ADAMTSL1: variants seen among roughly 807,000 people sequenced by gnomAD.
The protein encoded by ADAMTSL1 is ADAMTS-like protein 1.
ADAMTSL1 carries 126 observed loss-of-function variants against 201.8 expected under a neutral mutation model. The observed-to-expected ratio is 0.62, with a 90% CI of 0.54 to 0.72. The LOEUF (loss-of-function observed/expected upper bound fraction) is 0.72. Ranked by LOEUF, ADAMTSL1 falls within the 30% of genes least tolerant of loss-of-function variation. The pLI is 0.00. For synonymous variants in ADAMTSL1, 1,121 were observed against 903.4 expected (o/e 1.24, Z -4.32); for missense variants, 2,679 against 2,277.8 (o/e 1.18, Z -3.59).
intron 14 of ADAMTSL1, among the ~76,000 whole-genome samples, chr9:18,717,313 T>A (rs932155843): frequency 2.0e-5 from 3 of 151,150 alleles, no homozygotes; most frequent in East Asian, 3.9e-4. Context: ...ATTTGAAAAG[T>A]CTGCCCATTT....
At chr9:18,721,746 C>G (rs2133426691) in intron 15 of ADAMTSL1, 81 bp downstream of exon 15, 5 of 1,515,486 alleles carry the variant, frequency 3.3e-6, no homozygotes, top group Middle Eastern at 3.5e-4. Flanking sequence ...GACTGTAACA[C>G]TTATTTGTTA....
chr9:18,238,279 A>G (rs957594016), intron 2 of ADAMTSL1, among the ~76,000 whole-genome samples: 21 of 152,244 alleles, frequency 1.4e-4, no homozygotes, highest in Non-Finnish European at 1.5e-5. Context: ...AAGAAAAAGA[A>G]TTAAAATTCT....
chr9:18,127,481 A>AC lies in ADAMTSL1; in HGVS notation c.88-36381_88-36380insC, dbSNP rs1470100161. Among the ~76,000 whole-genome samples the AC allele has an allele frequency of 2.7e-5, 4 of 146,140 alleles. No homozygotes were observed. The South Asian group carries it at 6.6e-4, about 24-fold the overall frequency. On this transcript the variant is annotated intron_variant, in intron 1 of 29. Transcript: ENST00000680146. ...GTGGTGCATGCATAGGCACATACAC[A>AC]ACACACACACACACACACACACACA...
At chr9:18,173,365 G>C (rs148801370) in intron 2 of ADAMTSL1, among the ~76,000 whole-genome samples, 1 of 152,056 alleles carries the variant, frequency 6.6e-6, no homozygotes, top group Admixed American at 6.6e-5. Context: ...CAACATCATG[G>C]GGCCTCCTAT....
At chr9:18,154,276 T>C (rs571892378) in intron 1 of ADAMTSL1, among the ~76,000 whole-genome samples, 1 of 152,196 alleles carries the variant, frequency 6.6e-6, no homozygotes, top group East Asian at 1.9e-4. Context: ...GTATTATCAT[T>C]ATGTCCCATA....
chr9:18,590,761 G>A (rs943689565), intron 4 of ADAMTSL1, among the ~76,000 whole-genome samples: 2 of 151,822 alleles, frequency 1.3e-5, no homozygotes, highest in Non-Finnish European at 2.9e-5. Flanking sequence ...CCTTCTTTAT[G>A]TATTGACTCA....
intron 2 of ADAMTSL1, among the ~76,000 whole-genome samples, chr9:18,324,059 T>C (rs1834729660): frequency 6.6e-6 from 1 of 152,216 alleles, no homozygotes; most frequent in Non-Finnish European, 1.5e-5. Context: ...ATAGGATTTA[T>C]ACTACCTGAT....
Position 18,038,123 on chromosome 9 carries a change from C to T in ADAMTSL1, c.88-125739C>T, listed in dbSNP as rs548512993. Reference sequence around the variant, plus strand: ...CTGACCTGGCTTCCCGCCATTATGGCCACCAATTATGTGTGTCTTTCACTG... The same window carrying T: ...CTGACCTGGCTTCCCGCCATTATGGTCACCAATTATGTGTGTCTTTCACTG... On this transcript the variant is annotated intron_variant, in intron 1 of 29. Transcript: ENST00000680146. Among the ~76,000 whole-genome samples the T allele has an allele frequency of 2.6e-5, 4 of 152,330 alleles. No homozygotes were observed. In the South Asian group the frequency reaches 8.3e-4, roughly 32 times the overall value.
intron 4 of ADAMTSL1, among the ~76,000 whole-genome samples, chr9:18,597,542 A>G (rs947929536): frequency 2.0e-5 from 3 of 152,210 alleles, no homozygotes; most frequent in Admixed American, 6.5e-5. Context: ...TTGTTTATTT[A>G]AGTCAAATTA....
chr9:17,914,345 T>A (rs899286400), intron 1 of ADAMTSL1, among the ~76,000 whole-genome samples: 1 of 152,204 alleles, frequency 6.6e-6, no homozygotes. Context: ...GTTTCATCCC[T>A]GGGATGCAAG....
At chr9:18,667,358 G>A (rs553113781) in intron 9 of ADAMTSL1, among the ~76,000 whole-genome samples, 1 of 152,058 alleles carries the variant, frequency 6.6e-6, no homozygotes, top group South Asian at 2.1e-4. Flanking sequence ...ATGTGTAGTA[G>A]GCATGTAAAA....
At chr9:18,141,210 A>G (rs1424338785) in intron 1 of ADAMTSL1, among the ~76,000 whole-genome samples, 2 of 152,074 alleles carry the variant, frequency 1.3e-5, no homozygotes, top group Non-Finnish European at 1.5e-5. Context: ...CCCCCACCCC[A>G]TGCTCAATAG....
chr9:18,174,426 G>A (rs769865529), intron 2 of ADAMTSL1, among the ~76,000 whole-genome samples: 5 of 152,178 alleles, frequency 3.3e-5, no homozygotes, highest in Non-Finnish European at 7.3e-5. Context: ...ACAGAGGGGT[G>A]CTGAGTAGAA....
intron 13 of ADAMTSL1, among the ~76,000 whole-genome samples, chr9:18,688,398 G>A (rs1830975047): frequency 6.6e-6 from 1 of 151,224 alleles, no homozygotes; most frequent in African/African-American, 2.4e-5. Flanking sequence ...AAAGTGCTGG[G>A]ATTACAGGCA....
In ADAMTSL1 at chr9:18,681,661, G is replaced by A. The variant is rs1231408656; in HGVS notation, c.1342-151G>A. 1.1e-5 allele frequency: 6 copies of A among 555,462 alleles called. No homozygotes were observed. In the South Asian group the frequency reaches 1.7e-4, roughly 15 times the overall value. 34.4% of individuals were successfully genotyped at this position (555,462 alleles called of 1,614,324 possible). A position where few individuals can be genotyped will look rare whatever the true frequency, so the allele number is the denominator to read the frequency against. ...AAATAGAACAAAGATCCCTTGACTG[G>A]TAAGAAGTGGTATAAATTTACCAGG... On this transcript the variant is annotated intron_variant, in intron 11 of 28. Coordinates refer to ENST00000380548, the MANE Select transcript of ADAMTSL1 (RefSeq NM_001040272.6).
At chr9:18,201,545 C>T (rs1829446881) in intron 2 of ADAMTSL1, among the ~76,000 whole-genome samples, 1 of 152,004 alleles carries the variant, frequency 6.6e-6, no homozygotes, top group African/African-American at 2.4e-5. Context: ...CCCTACTATA[C>T]AATATTACGG....
Position 18,907,075 on chromosome 9 carries a change from T to G in ADAMTSL1, c.5182+163T>G, listed in dbSNP as rs771064879. The G allele has an allele frequency of 5.7e-6, 4 of 705,242 alleles. No homozygotes were observed. The South Asian group carries it at 7.4e-5, about 13-fold the overall frequency. The allele number at this position is 705,242 out of a possible 1,614,324, so 43.7% of individuals were successfully genotyped here. On this transcript the variant is annotated intron_variant, in intron 28 of 28. Transcript: ENST00000380548. ...CATTTCAGTGGGGTGCATGGGTGTA[T>G]GCAGAGAGGTGTATATAAGCATGAC...
chr9:17,986,202 C>T (rs569903910), intron 1 of ADAMTSL1, among the ~76,000 whole-genome samples: 1 of 152,096 alleles, frequency 6.6e-6, no homozygotes, highest in East Asian at 1.9e-4. Context: ...TATTAGAATG[C>T]CAGTCCCGTA....
intron 19 of ADAMTSL1, among the ~76,000 whole-genome samples, chr9:18,781,701 T>G (rs1051564606): frequency 5.3e-5 from 8 of 152,174 alleles, no homozygotes; most frequent in Non-Finnish European, 8.8e-5. Context: ...ATAGTTCAGT[T>G]AGTCTGTTTT....
Sources: allele counts gnomAD v4.1 joint callset (sites outside exome capture counted in the v4.1 genomes callset), GRCh38; gene constraint gnomAD v4.1.1; transcripts MANE v1.5; gene names NCBI Gene and HGNC (gene_info 2026-07-23, HGNC 2026-07-21).